The following ADGRL3 variants were observed in gnomAD, a reference collection of about 807,000 sequenced individuals.
The protein encoded by ADGRL3 is adhesion G protein-coupled receptor L3, also known as calcium-independent alpha-latrotoxin receptor 3.
A neutral mutation model predicts 153.5 loss-of-function variants in ADGRL3; 62 were observed. The observed-to-expected ratio is 0.40, with a 90% CI of 0.33 to 0.50. ADGRL3 has a LOEUF of 0.50. Ranked by LOEUF, ADGRL3 falls within the 20% of genes least tolerant of loss-of-function variation. The pLI is 0.47. For missense variants in ADGRL3, 1,641 were observed against 1,859.4 expected (o/e 0.88, Z 2.16); for synonymous variants, 710 against 672.5 (o/e 1.06, Z -0.86).
chr4:61,757,994 T>C (rs950484034), intron 8 of ADGRL3, among the ~76,000 whole-genome samples: 12 of 152,222 alleles, frequency 7.9e-5, no homozygotes, highest in African/African-American at 2.9e-4. Flanking sequence ...GACAGTTAGT[T>C]ATAATTTCTG....
intron 1 of ADGRL3, among the ~76,000 whole-genome samples, chr4:61,263,127 T>G (rs2092642126): frequency 6.6e-6 from 1 of 152,098 alleles, no homozygotes; most frequent in Non-Finnish European, 1.5e-5. Context: ...ATTAAAAGGT[T>G]ATGCAAATGT....
At chr4:61,709,500 A>G (rs2095923274) in intron 6 of ADGRL3, among the ~76,000 whole-genome samples, 1 of 152,194 alleles carries the variant, frequency 6.6e-6, no homozygotes, top group African/African-American at 2.4e-5. Context: ...GGCTTTTTAT[A>G]AGCATCACAA....
At chr4:61,275,113 T>C (rs777299068) in intron 1 of ADGRL3, among the ~76,000 whole-genome samples, 7 of 152,190 alleles carry the variant, frequency 4.6e-5, no homozygotes, top group Admixed American at 3.3e-4. Context: ...TTATAGATGA[T>C]GGAGTCAACC....
chr4:61,497,656 C>G (rs2098335594), intron 3 of ADGRL3, among the ~76,000 whole-genome samples: 1 of 150,070 alleles, frequency 6.7e-6, no homozygotes, highest in African/African-American at 2.4e-5. Context: ...GCTGGGACTA[C>G]AGGCGCCCAC....
chr4:61,421,278 G>T (rs2097204014), intron 2 of ADGRL3, among the ~76,000 whole-genome samples: 1 of 152,022 alleles, frequency 6.6e-6, no homozygotes, highest in Non-Finnish European at 1.5e-5. Flanking sequence ...AGCTTGCAGT[G>T]AGCCAAGAGC....
At chr4:61,639,951 A>T (rs867930227) in intron 5 of ADGRL3, among the ~76,000 whole-genome samples, 55 of 152,162 alleles carry the variant, frequency 3.6e-4, no homozygotes, top group Middle Eastern at 6.8e-3. Context: ...TAGCACCCAC[A>T]CTCATTAAAG....
At chr4:61,608,502 A>G (rs1167308219) in intron 5 of ADGRL3, among the ~76,000 whole-genome samples, 3 of 152,202 alleles carry the variant, frequency 2.0e-5, no homozygotes, top group Admixed American at 6.5e-5. Context: ...AGGAAAAAAA[A>G]GCAATTTGCA....
intron 11 of ADGRL3, among the ~76,000 whole-genome samples, chr4:61,902,912 A>G (rs960506309): frequency 6.6e-6 from 1 of 152,152 alleles, no homozygotes; most frequent in Non-Finnish European, 1.5e-5. Flanking sequence ...CTAGTATATA[A>G]GCTCCCTCTT....
At chr4:61,756,013 G>T (rs1202322238) in intron 8 of ADGRL3, among the ~76,000 whole-genome samples, 1 of 152,094 alleles carries the variant, frequency 6.6e-6, no homozygotes, top group African/African-American at 2.4e-5. Context: ...TGCTGTTTTG[G>T]TTACTGTAGC....
At chr4:61,874,789 CTTTTTTTTT>C (rs11432355) in intron 9 of ADGRL3, among the ~76,000 whole-genome samples, 690 of 61,470 alleles carry the variant, frequency 0.011, 4 homozygotes, top group African/African-American at 0.042. Flanking sequence ...TCAAAATGCT[CTTTTTTTTT>C]TTTTTTTTTT....
chr4:61,729,800 T>A (rs569560857), intron 6 of ADGRL3, among the ~76,000 whole-genome samples: 1 of 152,148 alleles, frequency 6.6e-6, no homozygotes, highest in African/African-American at 2.4e-5. Flanking sequence ...TATTGGTCAG[T>A]ACCTTAAAAA....
chr4:61,257,171 G>T (rs1054152862), intron 1 of ADGRL3, among the ~76,000 whole-genome samples: 3 of 151,940 alleles, frequency 2.0e-5, no homozygotes, highest in African/African-American at 7.2e-5. Context: ...AATTCTTCAG[G>T]ATCAAAATGT....
At chr4:62,049,550 G>A (rs537520599) in intron 25 of ADGRL3, among the ~76,000 whole-genome samples, 2 of 152,262 alleles carry the variant, frequency 1.3e-5, no homozygotes, top group South Asian at 2.1e-4. Context: ...ATCTGCAGAA[G>A]CATTCTCAGT....
chr4:61,931,595 T>C (rs188413637), intron 13 of ADGRL3, among the ~76,000 whole-genome samples: 2 of 152,298 alleles, frequency 1.3e-5, no homozygotes, highest in Admixed American at 1.3e-4. Context: ...CAGAATACTG[T>C]CTCTCTATCC....
At chr4:61,925,763 C>T (rs2098791783) in intron 13 of ADGRL3, among the ~76,000 whole-genome samples, 1 of 152,138 alleles carries the variant, frequency 6.6e-6, no homozygotes, top group Non-Finnish European at 1.5e-5. Context: ...TCCCACCAGG[C>T]CCCACCTCCA....
chr4:61,616,639 C>A (rs893505958), intron 5 of ADGRL3, among the ~76,000 whole-genome samples: 1 of 152,084 alleles, frequency 6.6e-6, no homozygotes, highest in Non-Finnish European at 1.5e-5. Context: ...ACCAAGATTT[C>A]CTTTATGATT....
At chr4:61,846,309 C>A (rs1348577715) in intron 9 of ADGRL3, among the ~76,000 whole-genome samples, 1 of 151,164 alleles carries the variant, frequency 6.6e-6, no homozygotes, top group Admixed American at 6.6e-5. Context: ...ACAGTGAGAC[C>A]CTGTCTCTAA....
intron 9 of ADGRL3, among the ~76,000 whole-genome samples, chr4:61,839,257 C>A (rs760434851): frequency 3.9e-5 from 6 of 152,026 alleles, no homozygotes; most frequent in African/African-American, 1.4e-4. Flanking sequence ...TGACACTTGT[C>A]ACAGCTCACT....
chr4:61,516,160 G>T (rs1313050781), intron 3 of ADGRL3, among the ~76,000 whole-genome samples: 1 of 151,866 alleles, frequency 6.6e-6, no homozygotes, highest in Admixed American at 6.6e-5. Context: ...ATTATTTTAT[G>T]TGTTTTGGGA....
Sources: allele counts gnomAD v4.1 joint callset (sites outside exome capture counted in the v4.1 genomes callset), GRCh38; gene constraint gnomAD v4.1.1; transcripts MANE v1.5; gene names NCBI Gene and HGNC (gene_info 2026-07-23, HGNC 2026-07-21).